DNAAF3: variants seen among roughly 807,000 people sequenced by gnomAD.
DNAAF3 encodes the protein UPF0470 protein C19orf51.
Under a neutral mutation model 50.9 loss-of-function variants are expected in DNAAF3, and 40 were observed. The observed-to-expected ratio is 0.79, with a 90% CI of 0.61 to 1.02. The LOEUF is 1.02. Among genes scored for constraint, DNAAF3 ranks in the 50% least tolerant of loss-of-function variants. The pLI is 0.00. For missense variants in DNAAF3, 763 were observed against 744.7 expected (o/e 1.02, Z -0.29); for synonymous variants, 327 against 322.8 (o/e 1.01, Z -0.14).
At chr19:55,164,262 C>T (rs2085897703) in intron 4 of DNAAF3, among the ~76,000 whole-genome samples, 2 of 152,142 alleles carry the variant, frequency 1.3e-5, no homozygotes, top group African/African-American at 4.8e-5. Flanking sequence ...GGGCGGATCA[C>T]CTGAGGTCAG....
At chr19:55,162,987 TTTTC>T (rs1162510014) in intron 4 of DNAAF3, among the ~76,000 whole-genome samples, 1 of 137,112 alleles carries the variant, frequency 7.3e-6, no homozygotes, top group African/African-American at 2.8e-5. Flanking sequence ...TTTCTTTTTC[TTTTC>T]TTTTTCTTTT....
At chr19:55,162,010 T>C in intron 5 of DNAAF3, 123 bp downstream of exon 5, 1 of 1,337,940 alleles carries the variant, frequency 7.5e-7, no homozygotes, top group Non-Finnish European at 9.6e-7. Flanking sequence ...ACAGTGGGAG[T>C]CGGGGAACTG....
chr19:55,158,729 C>T lies in DNAAF3; in HGVS notation c.*333G>A, dbSNP rs2085764504. The T allele has an allele frequency of 4.1e-6, 1 of 241,566 alleles. No individual in the cohort carries two copies. The highest frequency in any genetic ancestry group is 8.1e-6 in the Non-Finnish European group (1 of 123,956). 15.0% of individuals were successfully genotyped at this position (241,566 alleles called of 1,614,324 possible). ...GACCAGGCCCTGGTGAGGAGACACCCCAGCCCCTAGTCAGCCACAGGGTGC... is the reference window on the plus strand; with the variant it reads ...GACCAGGCCCTGGTGAGGAGACACCTCAGCCCCTAGTCAGCCACAGGGTGC... On this transcript the variant is annotated 3_prime_UTR_variant, in exon 12 of 12. Coordinates refer to ENST00000524407, the MANE Select transcript of DNAAF3 (RefSeq NM_001256715.2).
rs2085833344 is a variant in DNAAF3, at chr19:55,161,580, C to T, written c.663+63G>A. ...CCTCCTCCCTCAGACTCAGGAGGCC[C>T]CCAGCCCCTCCTCCCTCAGACCCAG... is the stretch of plus-strand genomic sequence containing the variant. On this transcript the variant is annotated intron_variant, in intron 6 of 11. Coordinates refer to ENST00000524407, the MANE Select transcript of DNAAF3 (RefSeq NM_001256715.2). This position sits in a 1 kb window ranked among gnomAD's most constrained non-coding sequence, Gnocchi z 6.4. The T allele has an allele frequency of 1.3e-6, 2 of 1,486,424 alleles. No individual in the cohort carries two copies. The highest frequency in any genetic ancestry group is 1.8e-6 in the Non-Finnish European group (2 of 1,118,918). The allele number at this position is 1,486,424 out of a possible 1,614,324, so 92.1% of individuals were successfully genotyped here.
At chr19:55,163,312 ATTTTTTT>A (rs34371299) in intron 4 of DNAAF3, among the ~76,000 whole-genome samples, 6 of 87,242 alleles carry the variant, frequency 6.9e-5, no homozygotes, top group African/African-American at 1.4e-4. Flanking sequence ...CCGGCGGCTA[ATTTTTTT>A]TTTTTTTTTT....
Position 55,159,355 on chromosome 19 carries a change from C to G in DNAAF3, c.1333G>C (p.Ala445Pro), listed in dbSNP as rs768592462. 27 of 1,614,048 alleles carry G rather than the reference C, an allele frequency of 1.7e-5. No homozygotes were observed. In the African/African-American group the frequency reaches 2.5e-4, roughly 15 times the overall value. The part of the protein sequence containing the change: ...QAAGFAPQTG[A>P]RPSETFARFC... ...CGTGCGAAGGTCTCTGAAGGCCTGG[C>G]CCCGGTCTGTGGAGCAAATCCAGCT... Residue 445 changes from alanine (A) to proline (P), a missense_variant, in exon 12 of 12, where the codon GCC (alanine) becomes CCC (proline). Physicochemically the swap from Ala to Pro is conservative, Grantham distance 27. Coordinates refer to ENST00000524407, the MANE Select transcript of DNAAF3 (RefSeq NM_001256715.2).
At chr19:55,162,538 A>G in intron 4 of DNAAF3, 2 of 830,226 alleles carry the variant, frequency 2.4e-6, no homozygotes, top group Non-Finnish European at 3.1e-6. Context: ...ATGGGCCGAG[A>G]TCATGCCATT....
chr19:55,159,231 C>T lies in DNAAF3; in HGVS notation c.1457G>A (p.Ser486Asn). 1.2e-5 allele frequency: 20 copies of T among 1,613,912 alleles called. No individual in the cohort carries two copies. The highest frequency in any genetic ancestry group is 1.7e-5 in the Non-Finnish European group (20 of 1,180,028). ...GGTCAGGCCCTCAAGGGCTGGGTTG[C>T]TGGCTTCAAGAGGCTGGGCCAGGAT... is the stretch of plus-strand genomic sequence containing the variant. ...LDILAQPLEA[S>N]NPALEGLTQP... Residue 486 changes from serine (S) to asparagine (N), a missense_variant, in exon 12 of 12, where the codon AGC becomes AAC. Coordinates refer to ENST00000524407, the MANE Select transcript of DNAAF3 (RefSeq NM_001256715.2).
chr19:55,163,360 G>A (rs372024109), intron 4 of DNAAF3, among the ~76,000 whole-genome samples: 2 of 128,164 alleles, frequency 1.6e-5, no homozygotes, highest in African/African-American at 6.3e-5. Flanking sequence ...GGGTTTCACC[G>A]TGTTAGCCAG....
rs201887376 is a variant in DNAAF3 at position 55,159,335 on chromosome 19, G to C, written c.1353C>G (p.Phe451Leu). The C allele has an allele frequency of 6.2e-7, 1 of 1,614,160 alleles. No individual in the cohort carries two copies. Among genetic ancestry groups the C allele is most frequent in the Non-Finnish European group, 8.5e-7 (1 of 1,180,036 alleles). The change falls in exon 12 of 12, where the codon TTC (phenylalanine) becomes TTG (leucine). Residue 451 changes from phenylalanine (F) to leucine (L), a missense_variant. By Grantham distance (22) the Phe-to-Leu change is conservative. Coordinates refer to ENST00000524407, the MANE Select transcript of DNAAF3 (RefSeq NM_001256715.2). Reference sequence around the variant, plus strand: ...ATTCCTGGGACTTGCAGAAACGTGCGAAGGTCTCTGAAGGCCTGGCCCCGG... The same window carrying C: ...ATTCCTGGGACTTGCAGAAACGTGCCAAGGTCTCTGAAGGCCTGGCCCCGG... Reference protein sequence around the residue: ...PQTGARPSETFARFCKSQESA... With the variant: ...PQTGARPSETLARFCKSQESA...
In DNAAF3 at chr19:55,160,531, C is replaced by T. The variant is rs1440324079; in HGVS notation, c.1048+109G>A. 2 of 1,550,630 alleles carry T rather than the reference C, an allele frequency of 1.3e-6. No individual in the cohort carries two copies. Among genetic ancestry groups the T allele is most frequent in the Middle Eastern group, 1.7e-4 (1 of 5,920 alleles). ...AAAGAGAGAAAAAGAGACAGAATAT[C>T]AAGAAGCCGTCACTTGCCCAGGCAT... On this transcript the variant is annotated intron_variant, in intron 9 of 11. Coordinates refer to ENST00000524407, the MANE Select transcript of DNAAF3 (RefSeq NM_001256715.2). This position sits in a 1 kb window ranked among gnomAD's most constrained non-coding sequence, Gnocchi z 4.7.
rs1253056384 is a variant in DNAAF3, at chr19:55,165,935, G to A, written c.151C>T (p.Leu51Phe). Residue 51 changes from leucine (L) to phenylalanine (F), a missense_variant, in exon 3 of 12, where the codon CTT becomes TTT. Coordinates refer to ENST00000524407, the MANE Select transcript of DNAAF3 (RefSeq NM_001256715.2). ...TGCCGTCCATCCACAGAGCCCAGAA[G>A]CAGCACATCTAGCTCGGGGTTGCTG... Reference protein sequence around the residue: ...VHSNPELDVLLLGSVDGRHLL... With the variant: ...VHSNPELDVLFLGSVDGRHLL... 1 of 1,614,118 alleles carries A rather than the reference G, an allele frequency of 6.2e-7. No individual in the cohort carries two copies. Among genetic ancestry groups the A allele is most frequent in the South Asian group, 1.1e-5 (1 of 91,096 alleles).
At chr19:55,166,711 C>T, upstream of DNAAF3, 2 of 1,558,464 alleles carry the variant, frequency 1.3e-6, no homozygotes, top group Non-Finnish European at 1.7e-6. This position sits in a 1 kb window ranked among gnomAD's most constrained non-coding sequence, Gnocchi z 4.0. Flanking sequence ...CCTCTACAAA[C>T]TTTTGGCCAA....
At chr19:55,163,544 A>G (rs2085883583) in intron 4 of DNAAF3, among the ~76,000 whole-genome samples, 2 of 151,274 alleles carry the variant, frequency 1.3e-5, no homozygotes, top group Admixed American at 6.6e-5. Context: ...CTCCCACCTC[A>G]GGCTCCCAAA....
Position 55,159,337 on chromosome 19 carries a change from AG to A in DNAAF3, c.1350del (p.Phe451SerfsTer43). 1.9e-6 allele frequency: 3 copies of A among 1,614,166 alleles called. No homozygotes were observed. The highest frequency in any genetic ancestry group is 2.5e-6 in the Non-Finnish European group (3 of 1,180,036). On this transcript the variant is annotated frameshift_variant, in exon 12 of 12. Transcript: ENST00000524407. LOFTEE classifies it low-confidence loss of function (END_TRUNC). ...TCCTGGGACTTGCAGAAACGTGCGAAGGTCTCTGAAGGCCTGGCCCCGGTCT... is the reference window on the plus strand; with the variant it reads ...TCCTGGGACTTGCAGAAACGTGCGAAGTCTCTGAAGGCCTGGCCCCGGTCT... ...APQTGARPSE[T>X]FARFCKSQES...
intron 4 of DNAAF3, among the ~76,000 whole-genome samples, chr19:55,163,651 C>G (rs1194823334): frequency 2.6e-5 from 4 of 152,194 alleles, no homozygotes; most frequent in African/African-American, 9.7e-5. Context: ...TGCAGGGGTC[C>G]TGGAACCAGT....
Position 55,159,349 on chromosome 19 carries a change from G to T in DNAAF3, c.1339C>A (p.Pro447Thr). ...AGFAPQTGARPSETFARFCKS... is the reference protein window; with the variant it reads ...AGFAPQTGARTSETFARFCKS... The stretch of plus-strand genomic sequence containing the variant: ...CAGAAACGTGCGAAGGTCTCTGAAG[G>T]CCTGGCCCCGGTCTGTGGAGCAAAT... Residue 447 changes from proline to threonine, a missense_variant, in exon 12 of 12, where the codon CCT becomes ACT. By Grantham distance (38) the Pro-to-Thr change is conservative (BLOSUM62 -1). Transcript: ENST00000524407. 6.2e-7 allele frequency: 1 copy of T among 1,614,184 alleles called. No homozygotes were observed. Among genetic ancestry groups the T allele is most frequent in the South Asian group, 1.1e-5 (1 of 91,082 alleles).
At position 55,158,736 on chromosome 19, in the gene DNAAF3, C is replaced by T. The variant is rs1447471813; in HGVS notation, c.*326G>A. 1 of 246,364 alleles carries T rather than the reference C, an allele frequency of 4.1e-6. No homozygotes were observed. The highest frequency in any genetic ancestry group is 7.9e-6 in the Non-Finnish European group (1 of 127,030). The allele number at this position is 246,364 out of a possible 1,614,324, so 15.3% of individuals were successfully genotyped here. A position where few individuals can be genotyped will look rare whatever the true frequency, so the allele number is the denominator to read the frequency against. On this transcript the variant is annotated 3_prime_UTR_variant, in exon 12 of 12. Coordinates refer to ENST00000524407, the MANE Select transcript of DNAAF3 (RefSeq NM_001256715.2). The stretch of plus-strand genomic sequence containing the variant: ...CCCTGGTGAGGAGACACCCCAGCCC[C>T]TAGTCAGCCACAGGGTGCCTGGGAA...
rs2147297973 is a variant in DNAAF3, at chr19:55,161,747, T to TCATGGGGAACG, written c.548_558dup (p.Ser187ArgfsTer4). 1 of 1,535,944 alleles carries TCATGGGGAACG rather than the reference T, an allele frequency of 6.5e-7. No individual in the cohort carries two copies. The highest frequency in any genetic ancestry group is 8.7e-7 in the Non-Finnish European group (1 of 1,144,002). On this transcript the variant is annotated frameshift_variant, in exon 6 of 12. Transcript: ENST00000524407. LOFTEE classifies it high-confidence loss of function. The surrounding 1 kb of genome is among the most constrained non-coding windows in gnomAD (Gnocchi z 6.4). ...CGCAGGCGCGAGTCCCAGAGGCGGC[T>TCATGGGGAACG]CATGGGGAACGCCTGGGGCCCTTTC... is the stretch of plus-strand genomic sequence containing the variant.
Sources: allele counts gnomAD v4.1 joint callset (sites outside exome capture counted in the v4.1 genomes callset), GRCh38; gene constraint gnomAD v4.1.1; non-coding constraint Gnocchi (gnomAD v3.1); transcripts MANE v1.5; gene names NCBI Gene and HGNC (gene_info 2026-07-23, HGNC 2026-07-21).